Variants in KCNQ1 observed in about 807,000 individuals in gnomAD.
KCNQ1 encodes potassium voltage-gated channel subfamily KQT member 1.
In KCNQ1, 49 loss-of-function variants were observed where a neutral mutation model predicts 72.4. The observed-to-expected ratio is 0.68, with a 90% CI of 0.54 to 0.86. The LOEUF (loss-of-function observed/expected upper bound fraction) is 0.86, where lower values mean the gene tolerates loss of function less well. Among genes scored for constraint, KCNQ1 ranks in the 40% least tolerant of loss-of-function variants. The pLI is 0.00. For missense variants in KCNQ1, 790 were observed against 945.1 expected (o/e 0.84, Z 2.15); for synonymous variants, 450 against 412.6 (o/e 1.09, Z -1.10).
At chr11:2,496,715 G>T (rs943939428) in intron 1 of KCNQ1, among the ~76,000 whole-genome samples, 2 of 151,792 alleles carry the variant, frequency 1.3e-5, no homozygotes, top group Non-Finnish European at 2.9e-5. Flanking sequence ...TGTGAATTTG[G>T]TCCTGTCGTC....
chr11:2,656,686 CTCTT>C, intron 10 of KCNQ1: 1 of 327,720 alleles, frequency 3.1e-6, no homozygotes, highest in Non-Finnish European at 5.5e-6. Flanking sequence ...TGTCTTTTCA[CTCTT>C]TAAGGTGTAT....
At position 2,624,748 on chromosome 11, in the gene KCNQ1, C is replaced by G; in HGVS notation, c.1393+35894C>G. 1 of 398,490 alleles carries G rather than the reference C, an allele frequency of 2.5e-6. No homozygotes were observed. The highest frequency in any genetic ancestry group is 1.3e-4 in the South Asian group (1 of 7,842). The allele number at this position is 398,490 out of a possible 1,614,324, so 24.7% of individuals were successfully genotyped here. A position where few individuals can be genotyped will look rare whatever the true frequency, so the allele number is the denominator to read the frequency against. Reference sequence around the variant, plus strand: ...TTAAACAATAATTCCCCAACCCCCCCACCACCGCCATCTCTTGGAAACCAC... The same window carrying G: ...TTAAACAATAATTCCCCAACCCCCCGACCACCGCCATCTCTTGGAAACCAC... On this transcript the variant is annotated intron_variant, in intron 10 of 15. Transcript: ENST00000155840. The surrounding 1 kb of genome is among the most constrained non-coding windows in gnomAD (Gnocchi z 4.9).
At chr11:2,804,674 G>C (rs761845813) in intron 15 of KCNQ1, among the ~76,000 whole-genome samples, 2 of 150,648 alleles carry the variant, frequency 1.3e-5, no homozygotes, top group Non-Finnish European at 2.9e-5. Flanking sequence ...ACTGCCCAGC[G>C]TGAAGCTGCA....
chr11:2,538,069 G>A lies in KCNQ1; in HGVS notation c.477+10051G>A, dbSNP rs1026372770. Among the ~76,000 whole-genome samples, 16 of 152,090 alleles carry A rather than the reference G, an allele frequency of 1.1e-4. No homozygotes were observed. Among genetic ancestry groups the A allele is most frequent in the Admixed American group, 3.3e-4 (5 of 15,274 alleles). On this transcript the variant is annotated intron_variant, in intron 2 of 15. Transcript: ENST00000155840. This position sits in a 1 kb window ranked among gnomAD's most constrained non-coding sequence, Gnocchi z 6.7. ...AGAGTAAGTTGGAGGCAGTATGACCGTTTCTCCGTATAAAGCCCGTGTATA... is the reference window on the plus strand; with the variant it reads ...AGAGTAAGTTGGAGGCAGTATGACCATTTCTCCGTATAAAGCCCGTGTATA...
rs1851029571 is a variant in KCNQ1 at position 2,712,932 on chromosome 11, C to G, written c.1514+50851C>G. 6.6e-6 allele frequency among the ~76,000 whole-genome samples: 1 copy of G among 152,146 alleles called. No homozygotes were observed. The highest frequency in any genetic ancestry group is 1.5e-5 in the Non-Finnish European group (1 of 68,020). On this transcript the variant is annotated intron_variant, in intron 11 of 15. Coordinates refer to ENST00000155840, the MANE Select transcript of KCNQ1 (RefSeq NM_000218.3). This position sits in a 1 kb window ranked among gnomAD's most constrained non-coding sequence, Gnocchi z 6.4. Reference sequence around the variant, plus strand: ...GGCAGTTGTCAGAGCAAGATCAGCTCCCTGGAAGACACCCGGGTTGTAAAC... The same window carrying G: ...GGCAGTTGTCAGAGCAAGATCAGCTGCCTGGAAGACACCCGGGTTGTAAAC...
chr11:2,673,769 T>C lies in KCNQ1; in HGVS notation c.1514+11688T>C. On this transcript the variant is annotated intron_variant, in intron 11 of 15. Transcript: ENST00000155840. The surrounding 1 kb of genome is among the most constrained non-coding windows in gnomAD (Gnocchi z 4.5). ...GGGGTACAGTCCCTTCTTGCTGGTATGTTGGGAAGCTCTGGTGCAAAGGGC... is the reference window on the plus strand; with the variant it reads ...GGGGTACAGTCCCTTCTTGCTGGTACGTTGGGAAGCTCTGGTGCAAAGGGC... 2 of 398,396 alleles carry C rather than the reference T, an allele frequency of 5.0e-6. No individual in the cohort carries two copies. The highest frequency in any genetic ancestry group is 3.6e-5 in the East Asian group (1 of 28,082). 24.7% of individuals were successfully genotyped at this position (398,396 alleles called of 1,614,324 possible).
chr11:2,665,612 G>A (rs1850053336), intron 11 of KCNQ1: 1 of 397,260 alleles, frequency 2.5e-6, no homozygotes, highest in Non-Finnish European at 4.4e-6. Context: ...GACACACTTA[G>A]GCTGTACGGC....
At position 2,492,249 on chromosome 11, in the gene KCNQ1, T is replaced by C. The variant is rs888729632; in HGVS notation, c.387-35679T>C. Among the ~76,000 whole-genome samples the C allele has an allele frequency of 1.3e-5, 2 of 152,156 alleles. No individual in the cohort carries two copies. The highest frequency in any genetic ancestry group is 2.9e-5 in the Non-Finnish European group (2 of 68,028). On this transcript the variant is annotated intron_variant, in intron 1 of 15. Transcript: ENST00000155840. The surrounding 1 kb of genome is among the most constrained non-coding windows in gnomAD (Gnocchi z 4.1). ...GTAGAAGGATGAAAAGAAGAACTGA[T>C]AAATAATGACTACAACAACTTTTGC...
chr11:2,788,539 C>T (rs1021555148), intron 15 of KCNQ1, among the ~76,000 whole-genome samples: 2 of 151,934 alleles, frequency 1.3e-5, no homozygotes, highest in African/African-American at 4.8e-5. Flanking sequence ...TCCCCCTCCC[C>T]TCTGCACCAC....
At chr11:2,726,070 C>A (rs1236010208) in intron 11 of KCNQ1, among the ~76,000 whole-genome samples, 2 of 152,248 alleles carry the variant, frequency 1.3e-5, no homozygotes, top group African/African-American at 4.8e-5. Context: ...GGCAGCCATG[C>A]ATACAGAGCC....
Position 2,813,949 on chromosome 11 carries a change from G to A in KCNQ1, c.1795-33818G>A, listed in dbSNP as rs539972617. On this transcript the variant is annotated intron_variant, in intron 15 of 15. Transcript: ENST00000155840. The surrounding 1 kb of genome is among the most constrained non-coding windows in gnomAD (Gnocchi z 4.4). ...ATGAAGAGATAGATGAATGGATAAAGAGGTGAAAGGATGAATAGAGAGATG... is the reference window on the plus strand; with the variant it reads ...ATGAAGAGATAGATGAATGGATAAAAAGGTGAAAGGATGAATAGAGAGATG... Among the ~76,000 whole-genome samples the A allele has an allele frequency of 5.9e-5, 9 of 152,126 alleles. No homozygotes were observed. The South Asian group carries it at 1.9e-3, about 32-fold the overall frequency.
intron 10 of KCNQ1, chr11:2,650,947 T>C: frequency 2.5e-6 from 1 of 398,034 alleles, no homozygotes; most frequent in Admixed American, 4.4e-5. Flanking sequence ...CCTTTTTTCT[T>C]AGTACCCCTT....
rs565577571 is a variant in KCNQ1 at position 2,750,497 on chromosome 11, C to T, written c.1515-18347C>T. On this transcript the variant is annotated intron_variant, in intron 11 of 15. Coordinates refer to ENST00000155840, the MANE Select transcript of KCNQ1 (RefSeq NM_000218.3). The surrounding 1 kb of genome is among the most constrained non-coding windows in gnomAD (Gnocchi z 6.3). ...GGGTCTGTGTGGAATCCACCGGTTT[C>T]ACCCCACGTCTTTTCCTCTCCTGCC... Among the ~76,000 whole-genome samples the T allele has an allele frequency of 1.3e-3, 191 of 152,334 alleles. No homozygotes were observed. Among genetic ancestry groups the T allele is most frequent in the African/African-American group, 4.4e-3 (184 of 41,574 alleles).
chr11:2,615,090 T>G (rs1022279815), intron 10 of KCNQ1: 32 of 398,250 alleles, frequency 8.0e-5, no homozygotes, highest in Non-Finnish European at 8.9e-5. Context: ...TTTGTAGTCT[T>G]TAGTGCAGAA....
At position 2,515,585 on chromosome 11, in the gene KCNQ1, G is replaced by A. The variant is rs771081035; in HGVS notation, c.387-12343G>A. On this transcript the variant is annotated intron_variant, in intron 1 of 15. Coordinates refer to ENST00000155840, the MANE Select transcript of KCNQ1 (RefSeq NM_000218.3). The surrounding 1 kb of genome is among the most constrained non-coding windows in gnomAD (Gnocchi z 4.7). The stretch of plus-strand genomic sequence containing the variant: ...GGCAGAGCCTCGCCATTTCTGGGGT[G>A]GGGGGTGCACAGGTGCATCTGGTCT... 1.4e-4 allele frequency among the ~76,000 whole-genome samples: 21 copies of A among 152,112 alleles called. No individual in the cohort carries two copies. Among genetic ancestry groups the A allele is most frequent in the Non-Finnish European group, 2.9e-4 (20 of 68,002 alleles).
chr11:2,575,003 G>T (rs1030829470), intron 6 of KCNQ1, among the ~76,000 whole-genome samples: 8 of 152,288 alleles, frequency 5.3e-5, no homozygotes, highest in African/African-American at 1.9e-4. Context: ...GAGAGTTCCC[G>T]GGAGGCTGGT....
rs1341122255 is a variant in KCNQ1 at position 2,595,505 on chromosome 11, G to A, written c.1393+6651G>A. ...CAATCCTAGGGCCCTTAAGAATTAT[G>A]CTAAATCTACTCTGCTTATGCTCTA... On this transcript the variant is annotated intron_variant, in intron 10 of 15. Transcript: ENST00000155840. This position sits in a 1 kb window ranked among gnomAD's most constrained non-coding sequence, Gnocchi z 5.0. Among the ~76,000 whole-genome samples, 4 of 152,146 alleles carry A rather than the reference G, an allele frequency of 2.6e-5. No homozygotes were observed. The highest frequency in any genetic ancestry group is 7.2e-5 in the African/African-American group (3 of 41,418).
At chr11:2,556,099 C>T (rs1024727473) in intron 2 of KCNQ1, among the ~76,000 whole-genome samples, 1 of 152,208 alleles carries the variant, frequency 6.6e-6, no homozygotes, top group Non-Finnish European at 1.5e-5. Flanking sequence ...AGGCCTCCCC[C>T]AGCTACTGTG....
intron 15 of KCNQ1, among the ~76,000 whole-genome samples, chr11:2,792,703 A>G (rs1847052215): frequency 6.6e-6 from 1 of 152,230 alleles, no homozygotes; most frequent in African/African-American, 2.4e-5. Context: ...GGCCAGAGCC[A>G]CGGACAAGGG....
Sources: allele counts gnomAD v4.1 joint callset (sites outside exome capture counted in the v4.1 genomes callset), GRCh38; gene constraint gnomAD v4.1.1; non-coding constraint Gnocchi (gnomAD v3.1); transcripts MANE v1.5; gene names NCBI Gene and HGNC (gene_info 2026-07-23, HGNC 2026-07-21).